Variants in USP36 observed in about 807,000 individuals in gnomAD.
USP36 encodes the protein ubiquitin carboxyl-terminal hydrolase 36.
USP36 carries 59 observed loss-of-function variants against 111.5 expected under a neutral mutation model. The observed-to-expected ratio is 0.53, with a 90% CI of 0.43 to 0.66. The LOEUF is 0.66. Among genes scored for constraint, USP36 ranks in the 30% least tolerant of loss-of-function variants. USP36 has a pLI of 0.00. For missense variants in USP36, 1,488 were observed against 1,468.0 expected (o/e 1.01, Z -0.22); for synonymous variants, 628 against 581.0 (o/e 1.08, Z -1.16).
rs968867639 is a variant in USP36 at position 78,834,997 on chromosome 17, G to GTGTATATATATATATATATATATATATA, written c.475+282_475+283insTATATATATATATATATATATATATACA. ...TACTGTCTCTAAAAAAATAATATTT[G>GTGTATATATATATATATATATATATATA]TATATATATATATATATATATTTTG... On this transcript the variant is annotated intron_variant, in intron 4 of 20. Transcript: ENST00000449938. Among the ~76,000 whole-genome samples the GTGTATATATATATATATATATATATATA allele has an allele frequency of 6.4e-4, 91 of 141,414 alleles. 1 individual carries two copies. Among genetic ancestry groups the GTGTATATATATATATATATATATATATA allele is most frequent in the African/African-American group, 2.4e-3 (87 of 35,832 alleles). The allele number at this position is 141,414 out of a possible 152,430, so 92.8% of individuals were successfully genotyped here. A position where few individuals can be genotyped will look rare whatever the true frequency, so the allele number is the denominator to read the frequency against.
In USP36 at chr17:78,814,517, C is replaced by T. The variant is rs1227811576; in HGVS notation, c.1059G>A (p.Pro353=). ...GATCACCATTATTCTGGGACATATA[C>T]GGACGTATGTTGAGGAATTCCGGAT... ...VGYPEFLNIR[P]YMSQNNGDPV... The change falls in exon 11 of 21, where the codon CCG becomes CCA. Residue 353 remains proline, a synonymous_variant. Transcript: ENST00000449938. The T allele has an allele frequency of 5.0e-6, 8 of 1,614,002 alleles. No homozygotes were observed. In the Admixed American group the frequency reaches 8.3e-5, roughly 17 times the overall value.
downstream of USP36, among the ~76,000 whole-genome samples, chr17:78,791,486 T>G (rs1425020397): frequency 6.6e-6 from 1 of 152,194 alleles, no homozygotes; most frequent in African/African-American, 2.4e-5. Context: ...TTAATCCCTT[T>G]AAAGCAGCAA....
At chr17:78,839,079 C>G (rs1379723345) in intron 1 of USP36, among the ~76,000 whole-genome samples, 2 of 152,098 alleles carry the variant, frequency 1.3e-5, no homozygotes, top group Non-Finnish European at 2.9e-5. Flanking sequence ...TTTAATGAAC[C>G]AGTAAAACTT....
intron 10 of USP36, among the ~76,000 whole-genome samples, chr17:78,818,349 G>A (rs368231044): frequency 1.8e-4 from 28 of 152,162 alleles, no homozygotes; most frequent in African/African-American, 6.3e-4. Flanking sequence ...TGTATAACAA[G>A]CATTCAGGGA....
chr17:78,805,854 A>G (rs1212271968), intron 15 of USP36, among the ~76,000 whole-genome samples: 2 of 152,206 alleles, frequency 1.3e-5, no homozygotes, highest in African/African-American at 2.4e-5. Flanking sequence ...GGGATACAGG[A>G]CAGGTCAGTC....
chr17:78,795,518 C>T (rs902475064), downstream of USP36: 2 of 152,216 alleles, frequency 1.3e-5, no homozygotes, highest in African/African-American at 4.8e-5. This position sits in a 1 kb window ranked among gnomAD's most constrained non-coding sequence, Gnocchi z 4.5. Context: ...CTCCTGGTCA[C>T]TGAGCTCCCT....
chr17:78,821,262 CTT>C (rs2094311507), intron 7 of USP36: 1 of 537,930 alleles, frequency 1.9e-6, no homozygotes, highest in African/African-American at 1.9e-5. Context: ...ATGTCAATAT[CTT>C]TGCACTCACA....
chr17:78,789,198 A>C (rs1266708119), intron 3 of USP36, among the ~76,000 whole-genome samples: 21 of 33,180 alleles, frequency 6.3e-4, no homozygotes, highest in Admixed American at 2.1e-3. Flanking sequence ...ACTTGGTCCC[A>C]AAAAAAAAAA....
At chr17:78,821,096 C>T in intron 7 of USP36, 35 bp from the exon 8 acceptor site, 2 of 1,569,242 alleles carry the variant, frequency 1.3e-6, no homozygotes, top group African/African-American at 2.7e-5. Context: ...GCAGGTGGGG[C>T]CTGGCAGAGG....
At chr17:78,816,143 A>G (rs8075902) in intron 10 of USP36, among the ~76,000 whole-genome samples, 2,609 of 152,178 alleles carry the variant, frequency 0.017, 63 homozygotes, top group African/African-American at 0.06. Flanking sequence ...AGGAACTCCG[A>G]AAAACATACG....
chr17:78,802,511 A>G lies in USP36; in HGVS notation c.2835T>C (p.Asp945=), dbSNP rs778698742. ...TTGGAGACTCTTCCATGGCCTCTGGATCACCATCACCCATGGGAGAGCAGC... is the reference window on the plus strand; with the variant it reads ...TTGGAGACTCTTCCATGGCCTCTGGGTCACCATCACCCATGGGAGAGCAGC... ...RHSCSPMGDG[D]PEAMEESPRK... is the part of the protein sequence containing the mutation. Residue 945 remains aspartate (D), a synonymous_variant, in exon 17 of 21, where the codon GAT becomes GAC. Coordinates refer to ENST00000449938, the MANE Select transcript of USP36 (RefSeq NM_001385174.1). The G allele has an allele frequency of 6.2e-7, 1 of 1,606,988 alleles. No homozygotes were observed. The highest frequency in any genetic ancestry group is 1.7e-5 in the Admixed American group (1 of 59,970).
intron 6 of USP36, chr17:78,823,190 A>G (rs1443561831): frequency 5.0e-6 from 2 of 398,666 alleles, no homozygotes; most frequent in East Asian, 7.1e-5. Context: ...TATTCTGCAA[A>G]GTTAGAAAAT....
At chr17:78,817,710 C>G (rs1265420391) in intron 10 of USP36, among the ~76,000 whole-genome samples, 6 of 151,346 alleles carry the variant, frequency 4.0e-5, no homozygotes, top group Admixed American at 4.0e-4. Flanking sequence ...TGCAATCCAG[C>G]CTGGGCATCA....
chr17:78,840,429 G>A (rs189916827), intron 1 of USP36: 214 of 152,590 alleles, frequency 1.4e-3, no homozygotes, highest in African/African-American at 5.0e-3. Flanking sequence ...ATCCTGCACA[G>A]ACAGCGGGCC....
At chr17:78,831,253 AG>A (rs55909837) in intron 4 of USP36, among the ~76,000 whole-genome samples, 35,407 of 64,918 alleles carry the variant, frequency 0.55, 15,336 homozygotes, top group Non-Finnish European at 0.6. Flanking sequence ...AAAAAAAAAA[AG>A]GGACAACATA....
chr17:78,828,041 T>A (rs532965149), intron 5 of USP36, among the ~76,000 whole-genome samples: 1 of 152,298 alleles, frequency 6.6e-6, no homozygotes, highest in Middle Eastern at 3.4e-3. Flanking sequence ...CTGGGCAACA[T>A]GGCCAGACCC....
Position 78,835,273 on chromosome 17 carries a change from C to T in USP36, c.475+7G>A, listed in dbSNP as rs1440266701. The T allele has an allele frequency of 3.1e-6, 5 of 1,613,628 alleles. No individual in the cohort carries two copies. The highest frequency in any genetic ancestry group is 3.4e-6 in the Non-Finnish European group (4 of 1,179,828). On this transcript the variant is annotated splice_region_variant and intron_variant, in intron 4 of 20. Transcript: ENST00000449938. The stretch of plus-strand genomic sequence containing the variant: ...CAGCCACCCCACTGCTGCAAACCCA[C>T]ACTCACAGCTGCGAGCATGCTCCTT...
chr17:78,789,891 G>C (rs927239170), intron 3 of USP36, among the ~76,000 whole-genome samples: 1 of 152,224 alleles, frequency 6.6e-6, no homozygotes, highest in African/African-American at 2.4e-5. Flanking sequence ...TTAGTGCAGT[G>C]TGGACTGCGG....
At chr17:78,800,707 C>G (rs2093719225) in intron 17 of USP36, among the ~76,000 whole-genome samples, 1 of 152,206 alleles carries the variant, frequency 6.6e-6, no homozygotes, top group Admixed American at 6.5e-5. Context: ...GCCCATTTAG[C>G]CACTCTCCTC....
Sources: allele counts gnomAD v4.1 joint callset (sites outside exome capture counted in the v4.1 genomes callset), GRCh38; gene constraint gnomAD v4.1.1; non-coding constraint Gnocchi (gnomAD v3.1); transcripts MANE v1.5; gene names NCBI Gene and HGNC (gene_info 2026-07-23, HGNC 2026-07-21).